Variants in CTNNA2 observed in about 807,000 individuals in gnomAD.
CTNNA2 encodes catenin alpha 2, also known as catenin alpha-2.
Under a neutral mutation model 101.0 loss-of-function variants are expected in CTNNA2, and 42 were observed. That is an observed-to-expected ratio of 0.42 (90% CI 0.32 to 0.54). The LOEUF (loss-of-function observed/expected upper bound fraction) is 0.54. Ranked by LOEUF, CTNNA2 falls within the 20% of genes least tolerant of loss-of-function variation. CTNNA2 has a pLI of 0.14. For synonymous variants in CTNNA2, 450 were observed against 456.4 expected (o/e 0.99, Z 0.18); for missense variants, 871 against 1,223.1 (o/e 0.71, Z 4.29).
chr2:79,706,228 T>A (rs7422326), intron 2 of CTNNA2, among the ~76,000 whole-genome samples: 84,418 of 150,862 alleles, frequency 0.56, 23,880 homozygotes, highest in East Asian at 0.8. Context: ...GCGGGCGTGG[T>A]GGCGGGCGCC....
At chr2:79,733,558 A>G (rs1367834301) in intron 2 of CTNNA2, among the ~76,000 whole-genome samples, 2 of 152,016 alleles carry the variant, frequency 1.3e-5, no homozygotes, top group South Asian at 2.1e-4. Context: ...CCAGGCACGC[A>G]TTAAAGTATA....
chr2:80,096,961 A>G (rs917332512), intron 7 of CTNNA2, among the ~76,000 whole-genome samples: 4 of 152,180 alleles, frequency 2.6e-5, no homozygotes, highest in East Asian at 1.9e-4. Context: ...TCCTTATCCA[A>G]TTTGCCAGTC....
At chr2:79,659,630 T>A (rs1463729709) in intron 2 of CTNNA2, among the ~76,000 whole-genome samples, 1 of 152,242 alleles carries the variant, frequency 6.6e-6, no homozygotes, top group Non-Finnish European at 1.5e-5. Context: ...TTTGTTTTCA[T>A]ACTAGGTTCC....
intron 8 of CTNNA2, among the ~76,000 whole-genome samples, chr2:80,416,406 A>G (rs1248694560): frequency 6.6e-6 from 1 of 152,134 alleles, no homozygotes; most frequent in Non-Finnish European, 1.5e-5. Flanking sequence ...GTTTCTACTG[A>G]CATTTCTACT....
intron 18 of CTNNA2, among the ~76,000 whole-genome samples, chr2:80,621,857 G>A (rs1671160185): frequency 6.6e-6 from 1 of 151,886 alleles, no homozygotes; most frequent in Non-Finnish European, 1.5e-5. Flanking sequence ...AGTGAATACA[G>A]TAAGTGCCAA....
chr2:79,294,448 TGTGAACGTGGAGTG>T (rs1675922554), intron 2 of CTNNA2, among the ~76,000 whole-genome samples: 1 of 152,150 alleles, frequency 6.6e-6, no homozygotes, highest in Non-Finnish European at 1.5e-5. Flanking sequence ...GGATTTGACA[TGTGAACGTGGAGTG>T]GGACACAATT....
At chr2:80,342,622 C>T (rs963836537) in intron 7 of CTNNA2, among the ~76,000 whole-genome samples, 6 of 152,148 alleles carry the variant, frequency 3.9e-5, no homozygotes, top group African/African-American at 1.4e-4. Context: ...AAATAATCAA[C>T]TGCCACCTAA....
chr2:79,984,290 A>G (rs1173500915), intron 7 of CTNNA2, among the ~76,000 whole-genome samples: 1 of 152,142 alleles, frequency 6.6e-6, no homozygotes, highest in Non-Finnish European at 1.5e-5. Flanking sequence ...TTTTTTCCCC[A>G]CTGTCTCCAC....
In CTNNA2 at chr2:80,618,902, C is replaced by G. The variant is rs182597953; in HGVS notation, c.2431-183C>G. On this transcript the variant is annotated intron_variant, in intron 17 of 18. Transcript: ENST00000402739. ...CAATGAGAAATCGAAATGGCCAGGC[C>G]GCTTAATGTCAAGAAAGCCCATATG... The G allele has an allele frequency of 9.9e-6, 4 of 402,698 alleles. No homozygotes were observed. In the South Asian group the frequency reaches 3.5e-4, roughly 36 times the overall value. 24.9% of individuals were successfully genotyped at this position (402,698 alleles called of 1,614,324 possible). A position where few individuals can be genotyped will look rare whatever the true frequency, so the allele number is the denominator to read the frequency against.
intron 7 of CTNNA2, among the ~76,000 whole-genome samples, chr2:80,172,135 G>A (rs1422067816): frequency 6.6e-6 from 1 of 152,180 alleles, no homozygotes; most frequent in Non-Finnish European, 1.5e-5. Context: ...GACCCCTGCA[G>A]TTGGACTTTG....
chr2:79,260,070 A>G (rs1463758729), intron 2 of CTNNA2, among the ~76,000 whole-genome samples: 1 of 152,188 alleles, frequency 6.6e-6, no homozygotes, highest in African/African-American at 2.4e-5. Context: ...AACATTCCCC[A>G]GAATCAACAA....
chr2:80,627,123 A>T (rs1313062296), intron 18 of CTNNA2, among the ~76,000 whole-genome samples: 1 of 152,112 alleles, frequency 6.6e-6, no homozygotes, highest in African/African-American at 2.4e-5. Context: ...ATTGATGGGC[A>T]TTTGGGTTGG....
At chr2:79,395,416 G>C (rs1046705624) in intron 4 of CTNNA2, among the ~76,000 whole-genome samples, 5 of 151,312 alleles carry the variant, frequency 3.3e-5, no homozygotes, top group Non-Finnish European at 7.4e-5. Flanking sequence ...AACAGTCCCT[G>C]GTGTGTGATG....
At chr2:79,331,342 C>T (rs560182073) in intron 3 of CTNNA2, among the ~76,000 whole-genome samples, 1 of 152,272 alleles carries the variant, frequency 6.6e-6, no homozygotes, top group South Asian at 2.1e-4. Flanking sequence ...TTGTATAAAA[C>T]CTGAATGAGA....
At chr2:80,155,321 A>T (rs900527269) in intron 7 of CTNNA2, among the ~76,000 whole-genome samples, 1 of 152,172 alleles carries the variant, frequency 6.6e-6, no homozygotes, top group African/African-American at 2.4e-5. Context: ...TTAATATCAG[A>T]AGGAATGTAA....
intron 4 of CTNNA2, among the ~76,000 whole-genome samples, chr2:79,498,738 A>C (rs1671285876): frequency 6.6e-6 from 1 of 152,168 alleles, no homozygotes; most frequent in African/African-American, 2.4e-5. Flanking sequence ...AGGTCTGAAG[A>C]GTAGGCTCAC....
chr2:79,304,394 CA>C (rs773881645), intron 2 of CTNNA2, among the ~76,000 whole-genome samples: 21 of 152,106 alleles, frequency 1.4e-4, no homozygotes, highest in Non-Finnish European at 2.4e-4. Context: ...CTGGTTGAAT[CA>C]CAGAAAAATA....
intron 1 of CTNNA2, among the ~76,000 whole-genome samples, chr2:79,607,889 A>T (rs1269287478): frequency 1.3e-5 from 2 of 152,118 alleles, no homozygotes; most frequent in Non-Finnish European, 2.9e-5. Context: ...CTAAATGTAA[A>T]CAAAAGCAGG....
intron 4 of CTNNA2, among the ~76,000 whole-genome samples, chr2:79,376,475 T>A (rs1265062551): frequency 1.3e-5 from 2 of 152,056 alleles, no homozygotes; most frequent in Non-Finnish European, 2.9e-5. Context: ...TTTGTTTTTT[T>A]GAAATTTTTC....
Sources: gnomAD v4.1 joint callset for allele counts (sites outside exome capture counted in the v4.1 genomes callset) on GRCh38, gnomAD v4.1.1 for gene constraint, MANE v1.5 for transcripts, NCBI Gene and HGNC (gene_info 2026-07-23, HGNC 2026-07-21) for gene names.